MCC: variants seen among roughly 807,000 people sequenced by gnomAD.
MCC encodes MCC regulator of Wnt signaling pathway, also known as colorectal mutant cancer protein.
Under a neutral mutation model 116.2 loss-of-function variants are expected in MCC, and 90 were observed. That is an observed-to-expected ratio of 0.77 (90% confidence interval 0.65 to 0.92). The LOEUF (loss-of-function observed/expected upper bound fraction) is 0.92. Among genes scored for constraint, MCC ranks in the 40% least tolerant of loss-of-function variants. MCC has a pLI of 0.00. For missense variants in MCC, 1,516 were observed against 1,312.2 expected (o/e 1.16, Z -2.40); for synonymous variants, 578 against 510.5 (o/e 1.13, Z -1.78).
chr5:113,382,526 T>C (rs1245277879), intron 2 of MCC, among the ~76,000 whole-genome samples: 1 of 152,110 alleles, frequency 6.6e-6, no homozygotes, highest in Non-Finnish European at 1.5e-5. Flanking sequence ...AGTGCTGGGA[T>C]TACAGGTGTG....
intron 6 of MCC, among the ~76,000 whole-genome samples, chr5:113,107,601 C>T (rs887937497): frequency 6.6e-6 from 1 of 152,196 alleles, no homozygotes; most frequent in Non-Finnish European, 1.5e-5. Flanking sequence ...AGAGACCACA[C>T]CAACCAGCCT....
intron 3 of MCC, among the ~76,000 whole-genome samples, chr5:113,152,572 C>T (rs1050845956): frequency 1.3e-5 from 2 of 152,164 alleles, no homozygotes; most frequent in Admixed American, 6.5e-5. Context: ...GACGATGGTA[C>T]GTAACTCAAC....
chr5:113,249,765 G>A (rs1490234238), intron 3 of MCC, among the ~76,000 whole-genome samples: 1 of 152,172 alleles, frequency 6.6e-6, no homozygotes, highest in African/African-American at 2.4e-5. Flanking sequence ...GCTCACCCAG[G>A]ACCAGGGCAG....
chr5:113,165,375 A>G (rs998658328), intron 3 of MCC, among the ~76,000 whole-genome samples: 1 of 152,224 alleles, frequency 6.6e-6, no homozygotes, highest in Non-Finnish European at 1.5e-5. Flanking sequence ...CCTACCTACA[A>G]GAAACACCAA....
chr5:113,341,419 A>G (rs1334305869), intron 2 of MCC, among the ~76,000 whole-genome samples: 1 of 152,088 alleles, frequency 6.6e-6, no homozygotes, highest in Non-Finnish European at 1.5e-5. Flanking sequence ...TCCTGGGTTC[A>G]AGAAATCCTC....
Position 113,224,807 on chromosome 5 carries a change from C to T in MCC, c.628-73385G>A, listed in dbSNP as rs141649853. On this transcript the variant is annotated intron_variant, in intron 3 of 18. Coordinates refer to ENST00000408903, the MANE Select transcript of MCC (RefSeq NM_001085377.2). ...ACAAGATAAGTCTAAGTTCACACTCCTGTTCGCAAAAACAATCCAACCAGG... is the reference window on the plus strand; with the variant it reads ...ACAAGATAAGTCTAAGTTCACACTCTTGTTCGCAAAAACAATCCAACCAGG... Among the ~76,000 whole-genome samples, 281 of 152,350 alleles carry T rather than the reference C, an allele frequency of 1.8e-3. 2 individuals are homozygous for T. Among genetic ancestry groups the T allele is most frequent in the African/African-American group, 6.4e-3 (266 of 41,580 alleles).
chr5:113,186,345 C>T (rs913690236), intron 3 of MCC, among the ~76,000 whole-genome samples: 2 of 152,098 alleles, frequency 1.3e-5, no homozygotes, highest in Admixed American at 6.5e-5. Flanking sequence ...TCCCTTACAC[C>T]CCCTCATTTG....
intron 3 of MCC, among the ~76,000 whole-genome samples, chr5:113,273,820 A>G (rs569470023): frequency 4.0e-5 from 6 of 149,736 alleles, no homozygotes; most frequent in African/African-American, 1.2e-4. Flanking sequence ...ACGGGATGAG[A>G]AAAAAAAAAC....
At chr5:113,047,459 G>A (rs1045592006) in intron 16 of MCC, among the ~76,000 whole-genome samples, 4 of 152,202 alleles carry the variant, frequency 2.6e-5, no homozygotes, top group Admixed American at 2.6e-4. Flanking sequence ...AGGTGGAGAA[G>A]GGTGTAGCTG....
chr5:113,279,861 T>C lies in MCC; in HGVS notation c.627+60658A>G, dbSNP rs118007208. Among the ~76,000 whole-genome samples the C allele has an allele frequency of 9.1e-4, 138 of 152,378 alleles. 1 individual carries two copies. In the East Asian group the frequency reaches 0.024, roughly 27 times the overall value. On this transcript the variant is annotated intron_variant, in intron 3 of 18. Transcript: ENST00000408903. ...TAAAGGCAATATGTTTTAAAAAGTA[T>C]AGATGTAGCTTTTGAAATGCATAAA... is the stretch of plus-strand genomic sequence containing the variant.
At chr5:113,399,484 C>CA (rs1422680066) in intron 1 of MCC, among the ~76,000 whole-genome samples, 2 of 150,582 alleles carry the variant, frequency 1.3e-5, no homozygotes. Flanking sequence ...GACTCTGTCT[C>CA]AAAAAAATAA....
At chr5:113,181,818 C>T (rs1224928767) in intron 3 of MCC, among the ~76,000 whole-genome samples, 1 of 152,220 alleles carries the variant, frequency 6.6e-6, no homozygotes, top group Non-Finnish European at 1.5e-5. Flanking sequence ...CTCTCAGACA[C>T]TGTGCTGAAG....
rs1752314424 is a variant in MCC, at chr5:113,049,112, C to T, written c.2636G>A (p.Ser879Asn). Reference sequence around the variant, plus strand: ...CCCTACCTTGCCAGGTTTGTCTTTGCTGCCGCTGCTGGTGGAGCTGAGGGA... The same window carrying T: ...CCCTACCTTGCCAGGTTTGTCTTTGTTGCCGCTGCTGGTGGAGCTGAGGGA... ...MRSLSSTSSGSKDKPGKECAD... is the reference protein window; with the variant it reads ...MRSLSSTSSGNKDKPGKECAD... The change falls in exon 16 of 19, where the codon AGC becomes AAC. Residue 879 changes from serine (S) to asparagine (N), a missense_variant. Physicochemically the swap from Ser to Asn is conservative, Grantham distance 46. Transcript: ENST00000408903. The T allele has an allele frequency of 6.2e-7, 1 of 1,614,086 alleles. No homozygotes were observed. The highest frequency in any genetic ancestry group is 8.5e-7 in the Non-Finnish European group (1 of 1,180,048).
At chr5:113,412,672 C>G (rs1770024846) in intron 1 of MCC, among the ~76,000 whole-genome samples, 1 of 152,158 alleles carries the variant, frequency 6.6e-6, no homozygotes, top group South Asian at 2.1e-4. Context: ...AGATTTTGGG[C>G]TGAGATGATG....
At chr5:113,091,476 C>G (rs1310517065) in intron 8 of MCC, among the ~76,000 whole-genome samples, 1 of 152,156 alleles carries the variant, frequency 6.6e-6, no homozygotes. Flanking sequence ...GAAAATAAAG[C>G]AACTGGTAAA....
intron 3 of MCC, among the ~76,000 whole-genome samples, chr5:113,201,937 A>T (rs1762699324): frequency 6.6e-6 from 1 of 152,082 alleles, no homozygotes. Context: ...TCCAGCCAAT[A>T]AAGGGGCAAC....
chr5:113,390,309 T>C (rs1430759596), intron 1 of MCC, among the ~76,000 whole-genome samples: 2 of 152,190 alleles, frequency 1.3e-5, no homozygotes, highest in Non-Finnish European at 2.9e-5. Context: ...TGTTTCATAC[T>C]CATATTCATG....
At chr5:113,403,256 T>C (rs998454649) in intron 1 of MCC, among the ~76,000 whole-genome samples, 1 of 152,178 alleles carries the variant, frequency 6.6e-6, no homozygotes, top group African/African-American at 2.4e-5. Flanking sequence ...ATTGTTTACT[T>C]TGACGTACCA....
intron 1 of MCC, among the ~76,000 whole-genome samples, chr5:113,405,792 C>A (rs544628129): frequency 6.6e-6 from 1 of 150,754 alleles, no homozygotes; most frequent in East Asian, 1.9e-4. Flanking sequence ...AGGTGATGAG[C>A]GAGACCCTAT....
Sources: gnomAD v4.1 joint callset for allele counts (sites outside exome capture counted in the v4.1 genomes callset) on GRCh38, gnomAD v4.1.1 for gene constraint, MANE v1.5 for transcripts, NCBI Gene and HGNC (gene_info 2026-07-23, HGNC 2026-07-21) for gene names.